IL34: variants seen among roughly 807,000 people sequenced by gnomAD.
The protein encoded by IL34 is interleukin-34.
IL34 carries 17 observed loss-of-function variants against 25.3 expected under a neutral mutation model. The ratio of observed to expected loss-of-function variants is 0.67; its 90% CI spans 0.46 to 1.01. IL34 has a LOEUF of 1.01. Ranked by LOEUF, IL34 falls within the 50% of genes least tolerant of loss-of-function variation. IL34 has a pLI of 0.00. For missense variants in IL34, 368 were observed against 312.9 expected, an observed-to-expected ratio of 1.18 and a Z score of -1.33; for synonymous variants, 174 against 140.9, an observed-to-expected ratio of 1.23 and a Z score of -1.66.
intron 1 of IL34, among the ~76,000 whole-genome samples, chr16:70,638,740 A>G (rs2051713742): frequency 6.6e-6 from 1 of 151,974 alleles, no homozygotes; most frequent in African/African-American, 2.4e-5. Context: ...CACCACATCT[A>G]GCTAATTAAA....
At chr16:70,598,079 C>A (rs2151814498) in intron 1 of IL34, among the ~76,000 whole-genome samples, 1 of 152,284 alleles carries the variant, frequency 6.6e-6, no homozygotes, top group South Asian at 2.1e-4. Flanking sequence ...CTCCTGACCT[C>A]AGGTGATCTG....
At chr16:70,598,398 A>G (rs980655462) in intron 1 of IL34, among the ~76,000 whole-genome samples, 4 of 152,142 alleles carry the variant, frequency 2.6e-5, no homozygotes, top group Admixed American at 2.6e-4. Flanking sequence ...GCCCCTGCTC[A>G]AGAACCTGCA....
chr16:70,598,526 G>T (rs2050858809), intron 1 of IL34, among the ~76,000 whole-genome samples: 1 of 152,082 alleles, frequency 6.6e-6, no homozygotes, highest in Non-Finnish European at 1.5e-5. Context: ...ATCACCTGAG[G>T]TCAAGAGTTT....
intron 1 of IL34, among the ~76,000 whole-genome samples, chr16:70,649,217 C>T (rs2052018011): frequency 6.6e-6 from 1 of 152,224 alleles, no homozygotes. Flanking sequence ...AGCTCTGTGC[C>T]AGCTCCTGCA....
At chr16:70,634,941 C>T (rs2051609226) in intron 1 of IL34, among the ~76,000 whole-genome samples, 1 of 152,100 alleles carries the variant, frequency 6.6e-6, no homozygotes, top group Admixed American at 6.6e-5. Context: ...GAGTAATATT[C>T]CACTGTCTGA....
intron 1 of IL34, among the ~76,000 whole-genome samples, chr16:70,593,117 G>A (rs1383464197): frequency 1.3e-5 from 2 of 152,054 alleles, no homozygotes; most frequent in Non-Finnish European, 2.9e-5. Context: ...ATGAGCTACT[G>A]CGCCTGGCCC....
At chr16:70,622,939 C>T (rs536629689) in intron 1 of IL34, among the ~76,000 whole-genome samples, 2 of 152,028 alleles carry the variant, frequency 1.3e-5, no homozygotes, top group East Asian at 1.9e-4. Flanking sequence ...GACAGAAAGG[C>T]TACAGGGTGC....
At chr16:70,642,004 G>A (rs2051795715), upstream of IL34, among the ~76,000 whole-genome samples, 1 of 152,202 alleles carries the variant, frequency 6.6e-6, no homozygotes, top group African/African-American at 2.4e-5. Context: ...AATAAAAAGA[G>A]TAAAGTACGG....
At chr16:70,616,057 C>T (rs186971315) in intron 1 of IL34, among the ~76,000 whole-genome samples, 2 of 152,320 alleles carry the variant, frequency 1.3e-5, no homozygotes, top group Admixed American at 1.3e-4. Flanking sequence ...ACACACCATT[C>T]AGTGTCTTGC....
intron 1 of IL34, among the ~76,000 whole-genome samples, chr16:70,626,521 C>G (rs8049495): frequency 0.017 from 2,513 of 152,182 alleles, 73 homozygotes; most frequent in African/African-American, 0.058. Flanking sequence ...CTCAGCCTCC[C>G]GAGTAGCTGG....
At chr16:70,585,109 C>T (rs552687039) in intron 1 of IL34, among the ~76,000 whole-genome samples, 1 of 152,322 alleles carries the variant, frequency 6.6e-6, no homozygotes, top group South Asian at 2.1e-4. Context: ...CCCAAACTCC[C>T]CATTTCCCTA....
chr16:70,657,202 T>G, intron 4 of IL34, 81 bp downstream of exon 4: 1 of 1,439,204 alleles, frequency 6.9e-7, no homozygotes, highest in Admixed American at 1.9e-5. Flanking sequence ...GGCCAAAGGC[T>G]AGTGAGGGAA....
intron 1 of IL34, among the ~76,000 whole-genome samples, chr16:70,632,842 T>C (rs1344479951): frequency 1.3e-5 from 2 of 152,204 alleles, no homozygotes; most frequent in Non-Finnish European, 2.9e-5. Context: ...TTTTGTCTTA[T>C]TTGATGAAGC....
chr16:70,658,672 T>A (rs2052298868), intron 4 of IL34, among the ~76,000 whole-genome samples: 1 of 152,020 alleles, frequency 6.6e-6, no homozygotes, highest in South Asian at 2.1e-4. Flanking sequence ...GGTTCTGCCA[T>A]GTTGGTTAGG....
intron 1 of IL34, among the ~76,000 whole-genome samples, chr16:70,633,739 G>A (rs1035964925): frequency 6.6e-6 from 1 of 152,198 alleles, no homozygotes; most frequent in Admixed American, 6.5e-5. Context: ...GAAGGCTTGA[G>A]GGGAGGATCT....
At chr16:70,620,337 A>C (rs1488106064) in intron 1 of IL34, among the ~76,000 whole-genome samples, 3 of 152,152 alleles carry the variant, frequency 2.0e-5, no homozygotes, top group Admixed American at 6.5e-5. Context: ...ATTCACCTTG[A>C]CTATGCCTTT....
intron 1 of IL34, among the ~76,000 whole-genome samples, chr16:70,617,943 C>T (rs1046608802): frequency 1.8e-4 from 28 of 152,086 alleles, no homozygotes; most frequent in South Asian, 1.2e-3. Context: ...TCTACCTAGA[C>T]TAAGAGGTAT....
At chr16:70,644,810 AAGG>A (rs1170453852), upstream of IL34, among the ~76,000 whole-genome samples, 12 of 134,078 alleles carry the variant, frequency 9.0e-5, no homozygotes, top group South Asian at 1.1e-3. Flanking sequence ...GAGGAATGAA[AAGG>A]AGGAAGGGAG....
intron 1 of IL34, among the ~76,000 whole-genome samples, chr16:70,639,446 C>T (rs1002640997): frequency 3.9e-5 from 6 of 152,142 alleles, no homozygotes; most frequent in South Asian, 2.1e-4. Context: ...CATGGGGAAA[C>T]GCTTGATCAG....
Sources: allele counts gnomAD v4.1 joint callset (sites outside exome capture counted in the v4.1 genomes callset), GRCh38; gene constraint gnomAD v4.1.1; transcripts MANE v1.5; gene names NCBI Gene and HGNC (gene_info 2026-07-23, HGNC 2026-07-21).